POLR1B: variants seen among roughly 807,000 people sequenced by gnomAD.
The protein encoded by POLR1B is DNA-directed RNA polymerase I subunit RPA2.
In POLR1B, 30 loss-of-function variants were observed where a neutral mutation model predicts 105.8. That is an observed-to-expected ratio of 0.28 (90% CI 0.21 to 0.38). The LOEUF is 0.38. POLR1B is among the 10% of genes least tolerant of loss of function. POLR1B has a pLI of 1.00. For synonymous variants in POLR1B, 485 were observed against 505.1 expected (o/e 0.96, Z 0.53); for missense variants, 976 against 1,435.8 (o/e 0.68, Z 5.17).
In POLR1B at chr2:112,544,414, A is replaced by C. The variant is rs192307137; in HGVS notation, c.177+1743A>C. 4.0e-3 allele frequency among the ~76,000 whole-genome samples: 616 copies of C among 152,336 alleles called. 4 individuals are homozygous for C. The highest frequency in any genetic ancestry group is 0.01 in the Middle Eastern group (3 of 294). ...ACCACTGCATTCCAGCCTGGGTGAC[A>C]GAGTGAGACTCTCCCAAAAAAATAA... On this transcript the variant is annotated intron_variant, in intron 1 of 14. Transcript: ENST00000263331.
At chr2:112,572,862 AT>A (rs762022353) in intron 13 of POLR1B, 104 bp downstream of exon 13, 96 of 976,914 alleles carry the variant, frequency 9.8e-5, no homozygotes, top group Non-Finnish European at 1.3e-4. Flanking sequence ...AGTACCTAGT[AT>A]TTGGCACGTG....
At chr2:112,555,837 G>T (rs1009462091) in intron 7 of POLR1B, among the ~76,000 whole-genome samples, 1 of 152,104 alleles carries the variant, frequency 6.6e-6, no homozygotes. Flanking sequence ...ATCTTCAGAA[G>T]ATACATAACC....
chr2:112,557,742 A>T (rs1222196718), intron 7 of POLR1B, among the ~76,000 whole-genome samples, 168 bp from the exon 8 acceptor site: 2 of 43,940 alleles, frequency 4.6e-5, no homozygotes, highest in South Asian at 8.6e-4. Context: ...CCCTCACCCC[A>T]CCCCCTCTGG....
In POLR1B at chr2:112,547,049, G is replaced by T. The variant is rs560435122; in HGVS notation, c.215G>T (p.Arg72Leu). ...PPFEFAFKDE[R>L]ISFTILDAVI... ...TTTGAATTTGCTTTCAAAGATGAGC[G>T]TATCTCTTTTACTATTCTGGATGCT... Residue 72 changes from arginine to leucine, a missense_variant, in exon 2 of 15, where the codon CGT becomes CTT. By Grantham distance (102) the Arg-to-Leu change is moderately radical (BLOSUM62 -2). Around this residue, in one of 12 missense-constraint regions of POLR1B, gnomAD observed 452 missense variants for 616.5 expected, o/e 0.73. Transcript: ENST00000263331. The T allele has an allele frequency of 1.2e-6, 2 of 1,614,166 alleles. No individual in the cohort carries two copies. The highest frequency in any genetic ancestry group is 1.7e-6 in the Non-Finnish European group (2 of 1,180,022).
intron 3 of POLR1B, chr2:112,548,340 C>T (rs1683167492): frequency 6.6e-6 from 1 of 152,170 alleles, no homozygotes; most frequent in Non-Finnish European, 1.5e-5. Context: ...TCCTCTGCTG[C>T]AAGTGGGTAT....
chr2:112,568,307 T>G (rs1344845657), intron 11 of POLR1B, among the ~76,000 whole-genome samples, 170 bp downstream of exon 11: 1 of 152,154 alleles, frequency 6.6e-6, no homozygotes, highest in Non-Finnish European at 1.5e-5. Flanking sequence ...CAGAGCAATT[T>G]CCATGTCTGA....
At chr2:112,551,727 G>C (rs1240234319) in intron 5 of POLR1B, 48 bp from the exon 6 acceptor site, 1 of 1,431,512 alleles carries the variant, frequency 7.0e-7, no homozygotes, top group African/African-American at 1.4e-5. Context: ...AATAGATAAA[G>C]TATTTTAGTT....
Position 112,575,688 on chromosome 2 carries a change from C to G in POLR1B, c.3367C>G (p.Leu1123Val). The change falls in exon 15 of 15, where the codon CTG becomes GTG. Residue 1123 changes from leucine (L) to valine (V), a missense_variant. Coordinates refer to ENST00000263331, the MANE Select transcript of POLR1B (RefSeq NM_019014.6). This position sits in a 1 kb window ranked among gnomAD's most constrained non-coding sequence, Gnocchi z 5.3. Reference sequence around the variant, plus strand: ...TGTTTTTCGGTATTTTGTAGCTGAACTGGCAGCTATGAACATCAAAGTGAA... The same window carrying G: ...TGTTTTTCGGTATTTTGTAGCTGAAGTGGCAGCTATGAACATCAAAGTGAA... ...PYVFRYFVAELAAMNIKVKLD... is the reference protein window; with the variant it reads ...PYVFRYFVAEVAAMNIKVKLD... 2 of 1,613,646 alleles carry G rather than the reference C, an allele frequency of 1.2e-6. No homozygotes were observed. Among genetic ancestry groups the G allele is most frequent in the Non-Finnish European group, 1.7e-6 (2 of 1,179,866 alleles).
Position 112,573,682 on chromosome 2 carries a change from C to T in POLR1B, c.2392C>T (p.Pro798Ser). The change falls in exon 14 of 15, where the codon CCT becomes TCT. Residue 798 changes from proline to serine, a missense_variant. By Grantham distance (74) the Pro-to-Ser change is moderately conservative. This residue lies in a region of POLR1B where 119 missense variants were observed against 149.7 expected (regional missense o/e 0.79). Coordinates refer to ENST00000263331, the MANE Select transcript of POLR1B (RefSeq NM_019014.6). ...TAGTAGCCTGGTGTTTGGCATCAAA[C>T]CTGGTGACCCACGCGTTCTGCAGAA... ...GDSSLVFGIKPGDPRVLQKLD... is the reference protein window; with the variant it reads ...GDSSLVFGIKSGDPRVLQKLD... 3 of 1,614,160 alleles carry T rather than the reference C, an allele frequency of 1.9e-6. No homozygotes were observed. The highest frequency in any genetic ancestry group is 2.5e-6 in the Non-Finnish European group (3 of 1,180,024).
intron 8 of POLR1B, among the ~76,000 whole-genome samples, chr2:112,558,379 T>C (rs1683780682): frequency 6.6e-6 from 1 of 152,056 alleles, no homozygotes; most frequent in Admixed American, 6.5e-5. Flanking sequence ...TACATGCCCA[T>C]CTCTAAACCA....
intron 13 of POLR1B, among the ~76,000 whole-genome samples, chr2:112,573,275 GT>G (rs1558666384): frequency 2.0e-5 from 3 of 152,120 alleles, no homozygotes; most frequent in Admixed American, 1.3e-4. Flanking sequence ...GCTAATTTTC[GT>G]GTTTTTAGTA....
chr2:112,562,817 C>T (rs900762495), intron 9 of POLR1B, among the ~76,000 whole-genome samples: 2 of 150,514 alleles, frequency 1.3e-5, no homozygotes, highest in African/African-American at 4.9e-5. Flanking sequence ...CCTCCACCTC[C>T]CAGGTTCAAG....
Position 112,551,014 on chromosome 2 carries a change from T to C in POLR1B, c.762+12T>C, listed in dbSNP as rs1252413572. On this transcript the variant is annotated intron_variant, in intron 5 of 14. Transcript: ENST00000263331. The stretch of plus-strand genomic sequence containing the variant: ...GATTTGCACTTAAGGTATGACTTAA[T>C]GAATGCATTCTTTTGTTATGAAGAA... The C allele has an allele frequency of 4.3e-6, 7 of 1,610,196 alleles. No individual in the cohort carries two copies. In the African/African-American group the frequency reaches 9.3e-5, roughly 21 times the overall value.
In POLR1B at chr2:112,550,989, G is replaced by A; in HGVS notation, c.749G>A (p.Gly250Glu). The change falls in exon 5 of 15, where the codon GGA (glycine) becomes GAA (glutamate). Residue 250 changes from glycine (G) to glutamate (E), a missense_variant. This residue lies in a region of POLR1B where 452 missense variants were observed against 616.5 expected (regional missense o/e 0.73). Transcript: ENST00000263331. The stretch of plus-strand genomic sequence containing the variant: ...AAAGAACTGTTCTTTCTTCCTTTGG[G>A]ATTTGCACTTAAGGTATGACTTAAT... Reference protein sequence around the residue: ...YRKELFFLPLGFALKALVSFS... With the variant: ...YRKELFFLPLEFALKALVSFS... 2 of 1,613,590 alleles carry A rather than the reference G, an allele frequency of 1.2e-6. No individual in the cohort carries two copies. Among genetic ancestry groups the A allele is most frequent in the Non-Finnish European group, 8.5e-7 (1 of 1,179,568 alleles).
chr2:112,564,434 G>A lies in POLR1B; in HGVS notation c.1681G>A (p.Val561Ile). ...SECYPVLLDGVMVGWVDKDLA... is the reference protein window; with the variant it reads ...SECYPVLLDGIMVGWVDKDLA... ...GTGCTACCCTGTCCTGCTGGACGGT[G>A]TCATGGTTGGCTGGGTGGATAAGGA... Residue 561 changes from valine (V) to isoleucine (I), a missense_variant, in exon 10 of 15, where the codon GTC (valine) becomes ATC (isoleucine). By Grantham distance (29) the Val-to-Ile change is conservative. Around this residue, in one of 12 missense-constraint regions of POLR1B, gnomAD observed 184 missense variants for 197.4 expected, o/e 0.93. Coordinates refer to ENST00000263331, the MANE Select transcript of POLR1B (RefSeq NM_019014.6). 3.7e-6 allele frequency: 6 copies of A among 1,614,280 alleles called. No individual in the cohort carries two copies. Among genetic ancestry groups the A allele is most frequent in the Non-Finnish European group, 4.2e-6 (5 of 1,180,050 alleles).
rs954392110 is a variant in POLR1B, at chr2:112,552,495, C to G, written c.987-150C>G. 17 of 782,342 alleles carry G rather than the reference C, an allele frequency of 2.2e-5. No individual in the cohort carries two copies. In the African/African-American group the frequency reaches 2.5e-4, roughly 12 times the overall value. The allele number at this position is 782,342 out of a possible 1,614,324, so 48.5% of individuals were successfully genotyped here. A position where few individuals can be genotyped will look rare whatever the true frequency, so the allele number is the denominator to read the frequency against. On this transcript the variant is annotated intron_variant, in intron 6 of 14. Transcript: ENST00000263331. ...GCCACCAGTCACATGATAAGCACTT[C>G]AAATGTGGCCAGTGTAGCTCAAAAA...
chr2:112,559,409 AC>A lies in POLR1B; in HGVS notation c.1449del (p.Thr484ProfsTer27). On this transcript the variant is annotated frameshift_variant, in exon 9 of 15. Coordinates refer to ENST00000263331, the MANE Select transcript of POLR1B (RefSeq NM_019014.6). LOFTEE classifies it high-confidence loss of function. ...AGGGGCTGATTTTGCCAAGATGAGGACCACCACAGTACGCAGGCTGCTGCCA... is the reference window on the plus strand; with the variant it reads ...AGGGGCTGATTTTGCCAAGATGAGGACACCACAGTACGCAGGCTGCTGCCA... ...HRGADFAKMR[T>X]TTVRRLLPES... The A allele has an allele frequency of 6.2e-7, 1 of 1,614,194 alleles. No individual in the cohort carries two copies. Among genetic ancestry groups the A allele is most frequent in the Non-Finnish European group, 8.5e-7 (1 of 1,180,024 alleles).
rs1684714497 is a variant in POLR1B at position 112,573,768 on chromosome 2, C to T, written c.2478C>T (p.Tyr826=). The T allele has an allele frequency of 6.2e-7, 1 of 1,614,224 alleles. No homozygotes were observed. The highest frequency in any genetic ancestry group is 2.2e-5 in the East Asian group (1 of 44,892). ...GAKLQYGDPY[Y]SYLNLNTGES... ...AACTGCAGTACGGAGATCCGTATTA[C>T]AGCTACCTCAACCTCAACACCGGGG... is the stretch of plus-strand genomic sequence containing the variant. The change falls in exon 14 of 15, where the codon TAC becomes TAT. Residue 826 remains tyrosine, a synonymous_variant. Coordinates refer to ENST00000263331, the MANE Select transcript of POLR1B (RefSeq NM_019014.6).
intron 1 of POLR1B, 171 bp downstream of exon 1, chr2:112,542,842 A>T: frequency 1.3e-6 from 1 of 772,320 alleles, no homozygotes; most frequent in Non-Finnish European, 2.0e-6. Flanking sequence ...CCTTCGTGAG[A>T]CTTGGAGTCG....
Sources: allele counts gnomAD v4.1 joint callset (sites outside exome capture counted in the v4.1 genomes callset), GRCh38; gene constraint gnomAD v4.1.1; regional missense constraint gnomAD v4.1.1; non-coding constraint Gnocchi (gnomAD v3.1); transcripts MANE v1.5; gene names NCBI Gene and HGNC (gene_info 2026-07-23, HGNC 2026-07-21).